The following FBLN1 variants were observed in gnomAD, a reference collection of about 807,000 sequenced individuals.
FBLN1 encodes fibulin-1.
A neutral mutation model predicts 89.7 loss-of-function variants in FBLN1; 34 were observed. The ratio of observed to expected loss-of-function variants is 0.38; its 90% CI spans 0.29 to 0.50. The LOEUF (loss-of-function observed/expected upper bound fraction) is 0.50. Among genes scored for constraint, FBLN1 ranks in the 20% least tolerant of loss-of-function variants. The pLI is 0.92. For missense variants in FBLN1, 777 were observed against 988.1 expected (o/e 0.79, Z 2.86); for synonymous variants, 393 against 391.3 (o/e 1.00, Z -0.05).
intron 1 of FBLN1, among the ~76,000 whole-genome samples, chr22:45,507,435 T>C (rs183997931): frequency 6.6e-6 from 1 of 152,340 alleles, no homozygotes; most frequent in African/African-American, 2.4e-5. Flanking sequence ...GGGTAATTAT[T>C]ATAGGTGAAA....
intron 14 of FBLN1, among the ~76,000 whole-genome samples, chr22:45,571,957 C>T (rs546048920): frequency 1.3e-5 from 2 of 152,080 alleles, no homozygotes; most frequent in South Asian, 2.1e-4. Context: ...GATGAAACCC[C>T]ATCTCTACTA....
chr22:45,533,632 T>G (rs1408127448), intron 6 of FBLN1, 129 bp from the exon 7 acceptor site: 8 of 1,020,646 alleles, frequency 7.8e-6, no homozygotes, highest in Non-Finnish European at 1.2e-5. Context: ...GTGCACATGG[T>G]GGACCTGAGC....
In FBLN1 at chr22:45,574,851, G is replaced by A. The variant is rs954423219; in HGVS notation, c.1840+198G>A. ...GGCTGGAGTGCAGTGGTGCCATCTC[G>A]GCTCACTGCAAGCTCCACCTCCCGG... On this transcript the variant is annotated intron_variant, in intron 15 of 16. Transcript: ENST00000327858. This position sits in a 1 kb window ranked among gnomAD's most constrained non-coding sequence, Gnocchi z 4.1. Among the ~76,000 whole-genome samples the A allele has an allele frequency of 2.8e-5, 4 of 145,210 alleles. No homozygotes were observed. The highest frequency in any genetic ancestry group is 2.1e-4 in the South Asian group (1 of 4,684).
chr22:45,525,445 G>T, intron 2 of FBLN1, 98 bp from the exon 3 acceptor site: 4 of 1,086,018 alleles, frequency 3.7e-6, no homozygotes, highest in Non-Finnish European at 5.5e-6. Context: ...GAGCAGGGAA[G>T]GGGAGGCTCA....
chr22:45,503,526 CTT>C (rs552024846), intron 1 of FBLN1: 44 of 152,716 alleles, frequency 2.9e-4, no homozygotes, highest in South Asian at 6.2e-4. Flanking sequence ...GGATGTGAAA[CTT>C]GAGCCTGGAG....
chr22:45,510,638 T>A (rs2088086737), intron 1 of FBLN1, among the ~76,000 whole-genome samples: 1 of 152,108 alleles, frequency 6.6e-6, no homozygotes, highest in African/African-American at 2.4e-5. Flanking sequence ...CAGGCTGACA[T>A]TCTGGAAGCT....
intron 1 of FBLN1, among the ~76,000 whole-genome samples, chr22:45,511,933 C>T (rs966060159): frequency 4.6e-5 from 7 of 152,184 alleles, no homozygotes; most frequent in African/African-American, 1.7e-4. Context: ...TGCTTTGGAT[C>T]TAACTCACAT....
At chr22:45,599,429 C>G (rs139429433) in intron 16 of FBLN1, among the ~76,000 whole-genome samples, 2 of 152,282 alleles carry the variant, frequency 1.3e-5, no homozygotes, top group African/African-American at 4.8e-5. Flanking sequence ...GAGGCATGCC[C>G]CATGGAGAAC....
intron 2 of FBLN1, among the ~76,000 whole-genome samples, chr22:45,520,405 C>T (rs1019675194): frequency 1.3e-5 from 2 of 152,204 alleles, no homozygotes; most frequent in African/African-American, 4.8e-5. Context: ...TCCCTGTGTC[C>T]TCACACGGCC....
intron 3 of FBLN1, 79 bp downstream of exon 3, chr22:45,525,757 T>C: frequency 1.3e-6 from 2 of 1,533,334 alleles, no homozygotes. Context: ...CAAGCGGCAC[T>C]GTCTGTCAGC....
In FBLN1 at chr22:45,563,002, C is replaced by T. The variant is rs1340023764; in HGVS notation, c.1698-11509C>T. ...ACTACCACCTCTCTTTCCCCACCAA[C>T]ATCCAAGCGCCCGCGGTGGTTTTCC... is the stretch of plus-strand genomic sequence containing the variant. On this transcript the variant is annotated intron_variant, in intron 14 of 16. Coordinates refer to ENST00000327858, the MANE Select transcript of FBLN1 (RefSeq NM_006486.3). The surrounding 1 kb of genome is among the most constrained non-coding windows in gnomAD (Gnocchi z 5.7). 2 of 1,613,770 alleles carry T rather than the reference C, an allele frequency of 1.2e-6. No homozygotes were observed. The highest frequency in any genetic ancestry group is 1.3e-5 in the African/African-American group (1 of 75,050).
chr22:45,587,699 G>A (rs2089100192), intron 16 of FBLN1, among the ~76,000 whole-genome samples: 1 of 151,996 alleles, frequency 6.6e-6, no homozygotes, highest in South Asian at 2.1e-4. Context: ...TCTTCCCTCC[G>A]CTCTGCTTCA....
At chr22:45,593,558 G>A (rs1460347374) in intron 16 of FBLN1, among the ~76,000 whole-genome samples, 1 of 152,214 alleles carries the variant, frequency 6.6e-6, no homozygotes, top group Non-Finnish European at 1.5e-5. Context: ...CAGCACTGTG[G>A]CCTTTTTTTT....
rs181811095 is a variant in FBLN1, at chr22:45,593,108, T to G, written c.1973-7199T>G. 1.1e-3 allele frequency among the ~76,000 whole-genome samples: 166 copies of G among 152,114 alleles called. 1 individual carries two copies. The highest frequency in any genetic ancestry group is 3.8e-3 in the African/African-American group (158 of 41,468). On this transcript the variant is annotated intron_variant, in intron 16 of 16. Coordinates refer to ENST00000327858, the MANE Select transcript of FBLN1 (RefSeq NM_006486.3). ...ACTCGAGGCTGTAACTCTAGGTCTC[T>G]TTATAAACCAGTGTCTAGAGTCAGA... is the stretch of plus-strand genomic sequence containing the variant.
At position 45,554,211 on chromosome 22, in the gene FBLN1, CCCTGCACCCGGAAGCGCAGTTCA is replaced by C. The variant is rs756551354; in HGVS notation, c.1697+3612_1697+3634del. ...GAAAGTCTGCTGCTTGCAGCCTGCT[CCCTGCACCCGGAAGCGCAGTTCA>C]CCTGCACCCGGAAGCACAGCTCATG... On this transcript the variant is annotated intron_variant, in intron 14 of 16. Coordinates refer to ENST00000327858, the MANE Select transcript of FBLN1 (RefSeq NM_006486.3). Among the ~76,000 whole-genome samples the C allele has an allele frequency of 7.6e-4, 116 of 152,366 alleles. 1 individual carries two copies. Among genetic ancestry groups the C allele is most frequent in the Admixed American group, 2.5e-3 (39 of 15,314 alleles).
At chr22:45,547,057 G>C in intron 11 of FBLN1, 28 bp from the exon 12 acceptor site, 1 of 1,613,820 alleles carries the variant, frequency 6.2e-7, no homozygotes, top group Non-Finnish European at 8.5e-7. Flanking sequence ...ATGATGCTCT[G>C]AGCGGTGACC....
chr22:45,574,547 C>G lies in FBLN1; in HGVS notation c.1734C>G (p.Ile578Met), dbSNP rs1046585739. The G allele has an allele frequency of 6.2e-7, 1 of 1,614,050 alleles. No homozygotes were observed. The highest frequency in any genetic ancestry group is 8.5e-7 in the Non-Finnish European group (1 of 1,180,038). Residue 578 changes from isoleucine (I) to methionine (M), a missense_variant, in exon 15 of 17, where the codon ATC (isoleucine) becomes ATG (methionine). Coordinates refer to ENST00000327858, the MANE Select transcript of FBLN1 (RefSeq NM_006486.3). The surrounding 1 kb of genome is among the most constrained non-coding windows in gnomAD (Gnocchi z 4.1). ...QQEKTDTVRCIKSCRPNDVTC... is the reference protein window; with the variant it reads ...QQEKTDTVRCMKSCRPNDVTC... ...AGAAGACAGACACGGTCCGCTGCAT[C>G]AAGTCCTGCCGCCCCAACGATGTCA... is the stretch of plus-strand genomic sequence containing the variant.
At chr22:45,567,849 C>G (rs543477704) in intron 14 of FBLN1, among the ~76,000 whole-genome samples, 49 of 152,320 alleles carry the variant, frequency 3.2e-4, no homozygotes, top group African/African-American at 1.1e-3. Flanking sequence ...AAATAATCAA[C>G]AGGTATCCCC....
Position 45,528,015 on chromosome 22 carries a change from T to G in FBLN1, c.484+6T>G. 6.2e-7 allele frequency: 1 copy of G among 1,614,158 alleles called. No individual in the cohort carries two copies. The highest frequency in any genetic ancestry group is 8.5e-7 in the Non-Finnish European group (1 of 1,179,996). ...CGGGGGCCTCCAAGAAACGGGTAAC[T>G]TTCCCCCTTCCTTCCCTAATGAGCA... On this transcript the variant is annotated splice_donor_region_variant and intron_variant, in intron 4 of 16. Coordinates refer to ENST00000327858, the MANE Select transcript of FBLN1 (RefSeq NM_006486.3).
Sources: gnomAD v4.1 joint callset for allele counts (sites outside exome capture counted in the v4.1 genomes callset) on GRCh38, gnomAD v4.1.1 for gene constraint, Gnocchi (gnomAD v3.1) non-coding constraint, MANE v1.5 for transcripts, NCBI Gene and HGNC (gene_info 2026-07-23, HGNC 2026-07-21) for gene names.